DNAJC13: variants seen among roughly 807,000 people sequenced by gnomAD.
The protein encoded by DNAJC13 is DnaJ heat shock protein family (Hsp40) member C13.
In DNAJC13, 75 loss-of-function variants were observed where a neutral mutation model predicts 290.5. The observed-to-expected ratio is 0.26, with a 90% CI of 0.21 to 0.31. DNAJC13 has a LOEUF of 0.31. DNAJC13 is among the 10% of genes least tolerant of loss of function. The probability of loss-of-function intolerance (pLI) is 1.00; values close to 1 mark genes in which losing one functional copy is unlikely to be tolerated. For synonymous variants in DNAJC13, 862 were observed against 892.0 expected (o/e 0.97, Z 0.60); for missense variants, 2,260 against 2,674.5 (o/e 0.85, Z 3.42).
At chr3:132,494,854 A>G (rs946352926) in intron 34 of DNAJC13, among the ~76,000 whole-genome samples, 5 of 152,120 alleles carry the variant, frequency 3.3e-5, no homozygotes, top group African/African-American at 1.2e-4. Flanking sequence ...ACTCAAATAT[A>G]ATTTTATAAT....
rs749480383 is a variant in DNAJC13 at position 132,503,388 on chromosome 3, G to A, written c.4884+7G>A. ...TGTGGCTAGTGTGACTGAGGTATGTGCTTCACAGGTAGCCTGGGTTTTAAT... is the reference window on the plus strand; with the variant it reads ...TGTGGCTAGTGTGACTGAGGTATGTACTTCACAGGTAGCCTGGGTTTTAAT... On this transcript the variant is annotated splice_region_variant and intron_variant, in intron 41 of 55. Transcript: ENST00000260818. The A allele has an allele frequency of 2.5e-6, 4 of 1,613,852 alleles. No homozygotes were observed. The Admixed American group carries it at 6.7e-5, about 27-fold the overall frequency.
chr3:132,526,000 A>G, intron 52 of DNAJC13, 141 bp from the exon 53 acceptor site: 3 of 1,260,554 alleles, frequency 2.4e-6, no homozygotes, highest in Non-Finnish European at 3.2e-6. Flanking sequence ...GATATAATTA[A>G]TAGATTAAAT....
At chr3:132,514,025 CAT>C (rs1935850937) in intron 45 of DNAJC13, among the ~76,000 whole-genome samples, 1 of 152,084 alleles carries the variant, frequency 6.6e-6, no homozygotes, top group Non-Finnish European at 1.5e-5. Flanking sequence ...AATCGAAAAA[CAT>C]GTTTTCCTAC....
intron 1 of DNAJC13, among the ~76,000 whole-genome samples, chr3:132,421,306 A>G (rs1938952519): frequency 2.0e-5 from 3 of 152,372 alleles, no homozygotes; most frequent in East Asian, 1.9e-4. Flanking sequence ...TTGTTCAGTA[A>G]TACACCAATC....
intron 51 of DNAJC13, chr3:132,523,944 G>C (rs1936173456): frequency 4.9e-6 from 2 of 410,710 alleles, no homozygotes; most frequent in East Asian, 7.9e-5. Context: ...TATATTGAGA[G>C]GATGCTATTT....
chr3:132,482,619 C>T (rs576962942), intron 27 of DNAJC13, among the ~76,000 whole-genome samples: 192 of 152,140 alleles, frequency 1.3e-3, no homozygotes, highest in Non-Finnish European at 2.2e-3. Context: ...ACCTGTAATT[C>T]CGGCACTGTG....
At position 132,453,623 on chromosome 3, in the gene DNAJC13, C is replaced by G. The variant is rs1325945478; in HGVS notation, c.769C>G (p.Leu257Val). The change falls in exon 8 of 56, where the codon CTT becomes GTT. Residue 257 changes from leucine (L) to valine (V), a missense_variant. By Grantham distance (32) the Leu-to-Val change is conservative. Transcript: ENST00000260818. The part of the protein sequence containing the change: ...HSEPVKRVLA[L>V]TETCLVERDP... Reference sequence around the variant, plus strand: ...GGAGCCTGTTAAAAGAGTTCTAGCACTTACAGAAACATGTTTAGTAGAACG... The same window carrying G: ...GGAGCCTGTTAAAAGAGTTCTAGCAGTTACAGAAACATGTTTAGTAGAACG... The G allele has an allele frequency of 1.2e-6, 2 of 1,613,392 alleles. No individual in the cohort carries two copies. Among genetic ancestry groups the G allele is most frequent in the Admixed American group, 3.3e-5 (2 of 59,950 alleles).
At chr3:132,462,086 G>A (rs1365933894) in intron 15 of DNAJC13, among the ~76,000 whole-genome samples, 1 of 151,842 alleles carries the variant, frequency 6.6e-6, no homozygotes, top group African/African-American at 2.4e-5. Flanking sequence ...GCTTTAGCAG[G>A]GCTCTTCATA....
intron 24 of DNAJC13, among the ~76,000 whole-genome samples, 180 bp from the exon 25 acceptor site, chr3:132,479,047 T>C (rs1934569836): frequency 6.6e-6 from 1 of 152,242 alleles, no homozygotes; most frequent in South Asian, 2.1e-4. Context: ...ATATAAAGAA[T>C]GTAATTTTCA....
chr3:132,441,523 T>C (rs1933070099), intron 2 of DNAJC13, among the ~76,000 whole-genome samples: 1 of 152,198 alleles, frequency 6.6e-6, no homozygotes, highest in Non-Finnish European at 1.5e-5. Context: ...GATTCTCCAC[T>C]GAAGGGATTG....
chr3:132,471,387 G>A (rs1467596757), intron 20 of DNAJC13, among the ~76,000 whole-genome samples: 1 of 147,316 alleles, frequency 6.8e-6, no homozygotes, highest in Non-Finnish European at 1.5e-5. Flanking sequence ...CTGCCGGGCG[G>A]AGATGCTCCT....
chr3:132,514,982 A>T (rs1302627286), intron 46 of DNAJC13, among the ~76,000 whole-genome samples: 5 of 152,178 alleles, frequency 3.3e-5, no homozygotes, highest in African/African-American at 1.2e-4. Context: ...AAACATAAGT[A>T]ATCTTGGATG....
intron 10 of DNAJC13, 42 bp downstream of exon 10, chr3:132,456,443 C>T: frequency 9.9e-6 from 16 of 1,609,470 alleles, no homozygotes; most frequent in Non-Finnish European, 1.3e-5. Flanking sequence ...CACTCATCTA[C>T]TTAATTTAAG....
chr3:132,427,438 T>C (rs1484708181), intron 1 of DNAJC13, among the ~76,000 whole-genome samples: 1 of 152,116 alleles, frequency 6.6e-6, no homozygotes, highest in African/African-American at 2.4e-5. Flanking sequence ...CACCCGGCAA[T>C]ATTTTTTTCT....
At chr3:132,512,107 C>T (rs1246005223) in intron 44 of DNAJC13, among the ~76,000 whole-genome samples, 1 of 152,066 alleles carries the variant, frequency 6.6e-6, no homozygotes, top group Admixed American at 6.5e-5. Context: ...GTCAAAGTGT[C>T]GAATATTACT....
intron 3 of DNAJC13, 92 bp downstream of exon 3, chr3:132,446,642 C>G: frequency 1.3e-6 from 1 of 762,438 alleles, no homozygotes; most frequent in South Asian, 1.9e-5. Flanking sequence ...TAAATCAGTA[C>G]TTGAAGATAG....
chr3:132,460,338 A>G lies in DNAJC13; in HGVS notation c.1538A>G (p.Glu513Gly), dbSNP rs1486299158. 1.9e-6 allele frequency: 3 copies of G among 1,608,534 alleles called. No homozygotes were observed. The highest frequency in any genetic ancestry group is 3.3e-5 in the Admixed American group (2 of 59,900). The change falls in exon 14 of 56, where the codon GAG (glutamate) becomes GGG (glycine). Residue 513 changes from glutamate (E) to glycine (G), a missense_variant. Physicochemically the swap from Glu to Gly is moderately conservative, Grantham distance 98. Coordinates refer to ENST00000260818, the MANE Select transcript of DNAJC13 (RefSeq NM_015268.4). Reference protein sequence around the residue: ...SSKKFLENLLEKFNSHVDHGT... With the variant: ...SSKKFLENLLGKFNSHVDHGT... ...AAGAAGTTTCTGGAAAACTTACTGG[A>G]GAAATTTAATTCCCATGTGGTAAGT...
In DNAJC13 at chr3:132,502,297, C is replaced by A. The variant is rs1411143780; in HGVS notation, c.4545C>A (p.Pro1515=). 6.2e-7 allele frequency: 1 copy of A among 1,612,512 alleles called. No homozygotes were observed. Among genetic ancestry groups the A allele is most frequent in the East Asian group, 2.2e-5 (1 of 44,842 alleles). The change falls in exon 40 of 56, where the codon CCC becomes CCA. Residue 1515 remains proline, a synonymous_variant. Transcript: ENST00000260818. ...CATTTTTATTCTCTCAGAGTATTCC[C>A]CGCGTAGCTGCTCTTGGGGTAGAAT... ...CRVLYFGKSI[P]RVAALGVECV...
At chr3:132,424,109 C>T (rs1234452008) in intron 1 of DNAJC13, among the ~76,000 whole-genome samples, 2 of 152,030 alleles carry the variant, frequency 1.3e-5, no homozygotes. Context: ...TGTGTATAAA[C>T]TAAAAATATG....
Sources: allele counts gnomAD v4.1 joint callset (sites outside exome capture counted in the v4.1 genomes callset), GRCh38; gene constraint gnomAD v4.1.1; transcripts MANE v1.5; gene names NCBI Gene and HGNC (gene_info 2026-07-23, HGNC 2026-07-21).